The following DOCK4 variants were observed in gnomAD, a reference collection of about 807,000 sequenced individuals.
The protein encoded by DOCK4 is dedicator of cytokinesis protein 4.
DOCK4 carries 97 observed loss-of-function variants against 268.1 expected under a neutral mutation model. That is an observed-to-expected ratio of 0.36 (90% confidence interval 0.31 to 0.43). The LOEUF (loss-of-function observed/expected upper bound fraction) is 0.43, where lower values mean the gene tolerates loss of function less well. Ranked by LOEUF, DOCK4 falls within the 20% of genes least tolerant of loss-of-function variation. DOCK4 has a pLI of 1.00. For synonymous variants in DOCK4, 954 were observed against 887.2 expected (o/e 1.08, Z -1.34); for missense variants, 2,145 against 2,455.7 (o/e 0.87, Z 2.67).
At chr7:111,980,093 T>C (rs1175394239) in intron 7 of DOCK4, among the ~76,000 whole-genome samples, 1 of 152,188 alleles carries the variant, frequency 6.6e-6, no homozygotes, top group Non-Finnish European at 1.5e-5. Context: ...TATTGTTGCA[T>C]CTTTCGAGTA....
At chr7:112,116,832 G>A (rs1230427889) in intron 1 of DOCK4, among the ~76,000 whole-genome samples, 1 of 152,034 alleles carries the variant, frequency 6.6e-6, no homozygotes, top group Non-Finnish European at 1.5e-5. Context: ...GGCCTCAAGT[G>A]ATCCTCCCAC....
At chr7:111,827,135 G>A (rs970671442) in intron 26 of DOCK4, among the ~76,000 whole-genome samples, 8 of 152,086 alleles carry the variant, frequency 5.3e-5, no homozygotes, top group South Asian at 4.2e-4. Flanking sequence ...AATTTCAAAC[G>A]TATAATACCC....
intron 22 of DOCK4, among the ~76,000 whole-genome samples, chr7:111,865,652 A>G (rs1394037273): frequency 1.3e-5 from 2 of 152,232 alleles, no homozygotes; most frequent in African/African-American, 4.8e-5. Context: ...TGTAATTAAG[A>G]TTACTCATCA....
At chr7:111,954,041 T>A (rs1319786791) in intron 8 of DOCK4, among the ~76,000 whole-genome samples, 2 of 152,230 alleles carry the variant, frequency 1.3e-5, no homozygotes, top group African/African-American at 4.8e-5. Flanking sequence ...TCCCTATGTA[T>A]TAATATATCT....
intron 30 of DOCK4, among the ~76,000 whole-genome samples, chr7:111,805,247 G>C (rs748231515): frequency 1.8e-4 from 28 of 152,254 alleles, no homozygotes; most frequent in Admixed American, 4.6e-4. Flanking sequence ...CATAAAAATG[G>C]GTGCTCATGG....
chr7:112,119,992 T>C (rs1008070761), intron 1 of DOCK4, among the ~76,000 whole-genome samples: 1 of 151,824 alleles, frequency 6.6e-6, no homozygotes, highest in Non-Finnish European at 1.5e-5. Context: ...GGACTACAGG[T>C]GCCCACCACC....
intron 1 of DOCK4, among the ~76,000 whole-genome samples, chr7:112,128,100 C>T (rs951762370): frequency 1.3e-5 from 2 of 152,192 alleles, no homozygotes; most frequent in Non-Finnish European, 2.9e-5. Flanking sequence ...ACAAACAGTA[C>T]CACAAACACA....
At chr7:111,784,817 A>G (rs565513841) in intron 32 of DOCK4, among the ~76,000 whole-genome samples, 3 of 152,218 alleles carry the variant, frequency 2.0e-5, no homozygotes, top group Non-Finnish European at 4.4e-5. Flanking sequence ...AAGCATGGCA[A>G]TATGTGGATA....
In DOCK4 at chr7:111,954,158, AAAAAT is replaced by A. The variant is rs377338451; in HGVS notation, c.702-8365_702-8361del. On this transcript the variant is annotated intron_variant, in intron 8 of 52. Coordinates refer to ENST00000428084, the MANE Select transcript of DOCK4 (RefSeq NM_001363540.2). ...ACTAAGAATGTATGAGTGTTAAAGA[AAAAAT>A]TATTTTCCTTCCCAAAACTGTGAAG... 6.1e-3 allele frequency among the ~76,000 whole-genome samples: 926 copies of A among 152,314 alleles called. 11 individuals carry two copies. The highest frequency in any genetic ancestry group is 0.021 in the African/African-American group (891 of 41,558).
chr7:112,050,007 C>A (rs1348398954), intron 1 of DOCK4, among the ~76,000 whole-genome samples: 4 of 152,086 alleles, frequency 2.6e-5, no homozygotes, highest in Non-Finnish European at 5.9e-5. Flanking sequence ...GATAAGTGTA[C>A]TCAAACTAGG....
chr7:111,933,959 G>T (rs1336011908), intron 12 of DOCK4, among the ~76,000 whole-genome samples: 3 of 152,136 alleles, frequency 2.0e-5, no homozygotes, highest in African/African-American at 7.2e-5. Context: ...GTTTGGTCTA[G>T]CAAGATGTGC....
intron 12 of DOCK4, among the ~76,000 whole-genome samples, chr7:111,933,185 C>T (rs1033217976): frequency 3.7e-5 from 5 of 135,010 alleles, no homozygotes; most frequent in African/African-American, 8.3e-5. Context: ...CACATATATA[C>T]GTATATACAC....
At chr7:111,918,651 C>T (rs1792830360) in intron 12 of DOCK4, among the ~76,000 whole-genome samples, 2 of 152,202 alleles carry the variant, frequency 1.3e-5, no homozygotes, top group South Asian at 4.1e-4. Flanking sequence ...TCTCTGTTCT[C>T]CTCCCACTTC....
intron 1 of DOCK4, among the ~76,000 whole-genome samples, chr7:112,144,503 AT>A (rs1815251091): frequency 6.6e-6 from 1 of 152,192 alleles, no homozygotes; most frequent in Admixed American, 6.5e-5. Flanking sequence ...CCCACTTGGC[AT>A]TTCCTACATT....
chr7:112,075,403 A>AAGTG (rs1169390632), intron 1 of DOCK4, among the ~76,000 whole-genome samples: 21 of 152,326 alleles, frequency 1.4e-4, no homozygotes, highest in South Asian at 6.2e-4. Flanking sequence ...TGCCACACTG[A>AAGTG]TGGTAATGAA....
At chr7:111,841,033 C>T (rs1303852364) in intron 25 of DOCK4, among the ~76,000 whole-genome samples, 1 of 152,216 alleles carries the variant, frequency 6.6e-6, no homozygotes, top group Non-Finnish European at 1.5e-5. Flanking sequence ...ACTTCTGCTG[C>T]TACCACAATG....
rs1187795461 is a variant in DOCK4 at position 111,945,760 on chromosome 7, G to A, written c.740C>T (p.Pro247Leu). Residue 247 changes from proline to leucine, a missense_variant, in exon 9 of 53, where the codon CCC becomes CTC. By Grantham distance (98) the Pro-to-Leu change is moderately conservative (BLOSUM62 -3). Coordinates refer to ENST00000428084, the MANE Select transcript of DOCK4 (RefSeq NM_001363540.2). Reference sequence around the variant, plus strand: ...TCGTTCCGGTTTATCAGGGGCTTTGGGAAGCCCGTTTCTATTCAGCCTCAA... The same window carrying A: ...TCGTTCCGGTTTATCAGGGGCTTTGAGAAGCCCGTTTCTATTCAGCCTCAA... ...FFLRLNRNGL[P>L]KAPDKPERHC... 2.5e-6 allele frequency: 4 copies of A among 1,598,282 alleles called. No individual in the cohort carries two copies. The highest frequency in any genetic ancestry group is 3.4e-6 in the Non-Finnish European group (4 of 1,172,088).
intron 19 of DOCK4, 71 bp downstream of exon 19, chr7:111,872,198 G>T: frequency 7.3e-7 from 1 of 1,373,460 alleles, no homozygotes; most frequent in South Asian, 1.4e-5. Flanking sequence ...ACATGTTTCT[G>T]AACCAGCCTC....
chr7:111,981,339 G>C (rs1259004332), intron 7 of DOCK4, among the ~76,000 whole-genome samples: 2 of 152,132 alleles, frequency 1.3e-5, no homozygotes, highest in Non-Finnish European at 2.9e-5. Flanking sequence ...AAAAACACCA[G>C]GGCTACAGAG....
Sources: allele counts gnomAD v4.1 joint callset (sites outside exome capture counted in the v4.1 genomes callset), GRCh38; gene constraint gnomAD v4.1.1; transcripts MANE v1.5; gene names NCBI Gene and HGNC (gene_info 2026-07-23, HGNC 2026-07-21).